Variants in ADARB2 observed in about 807,000 individuals in gnomAD.
ADARB2 encodes inactive double-stranded RNA-specific editase B2.
Under a neutral mutation model 62.2 loss-of-function variants are expected in ADARB2, and 25 were observed. The ratio of observed to expected loss-of-function variants is 0.40; its 90% confidence interval spans 0.29 to 0.56. ADARB2 has a LOEUF of 0.56. Ranked by LOEUF, ADARB2 falls within the 20% of genes least tolerant of loss-of-function variation. The pLI is 0.43. For synonymous variants in ADARB2, 572 were observed against 500.8 expected, an observed-to-expected ratio of 1.14 and a Z score of -1.90; for missense variants, 1,071 against 1,077.4, an observed-to-expected ratio of 0.99 and a Z score of 0.08.
At chr10:1,574,526 C>T (rs1020091758) in intron 1 of ADARB2, among the ~76,000 whole-genome samples, 1 of 152,110 alleles carries the variant, frequency 6.6e-6, no homozygotes, top group African/African-American at 2.4e-5. Flanking sequence ...CACTCCTGTT[C>T]CCAGCGTTTT....
intron 1 of ADARB2, among the ~76,000 whole-genome samples, chr10:1,623,616 T>C (rs1045456661): frequency 3.3e-5 from 5 of 152,196 alleles, no homozygotes; most frequent in African/African-American, 9.6e-5. Context: ...TTGAACTCCT[T>C]GTCTGTCCCG....
At chr10:1,714,480 G>T (rs967450112) in intron 1 of ADARB2, among the ~76,000 whole-genome samples, 1 of 152,188 alleles carries the variant, frequency 6.6e-6, no homozygotes, top group Non-Finnish European at 1.5e-5. Flanking sequence ...ACCAGCCAAC[G>T]CCCATTTAAT....
chr10:1,471,941 CA>C (rs1177398972), intron 1 of ADARB2, among the ~76,000 whole-genome samples: 5 of 151,988 alleles, frequency 3.3e-5, no homozygotes, highest in Non-Finnish European at 5.9e-5. Flanking sequence ...GTCATTTGAC[CA>C]AAAAAGTACT....
At chr10:1,505,699 C>G (rs902754054) in intron 1 of ADARB2, among the ~76,000 whole-genome samples, 1 of 114,854 alleles carries the variant, frequency 8.7e-6, no homozygotes, top group Non-Finnish European at 2.1e-5. Flanking sequence ...CCGTCCCCAC[C>G]GTGGCAGCCG....
chr10:1,717,306 T>C (rs1173708077), intron 1 of ADARB2, among the ~76,000 whole-genome samples: 1 of 151,016 alleles, frequency 6.6e-6, no homozygotes, highest in Non-Finnish European at 1.5e-5. Flanking sequence ...GGGATCTGAG[T>C]CGGGGAAGCC....
chr10:1,547,052 G>C (rs2387728), intron 1 of ADARB2, among the ~76,000 whole-genome samples: 78,237 of 152,222 alleles, frequency 0.51, 21,662 homozygotes, highest in East Asian at 0.76. Flanking sequence ...AGAGCGGGAC[G>C]CGGGTGGGAG....
intron 1 of ADARB2, among the ~76,000 whole-genome samples, chr10:1,428,095 A>G (rs930287861): frequency 2.6e-5 from 4 of 150,964 alleles, no homozygotes; most frequent in Non-Finnish European, 4.4e-5. Flanking sequence ...CTCAGCCTCC[A>G]GAGTAGCTAG....
chr10:1,367,327 T>C (rs1405774902), intron 2 of ADARB2, among the ~76,000 whole-genome samples: 1 of 152,244 alleles, frequency 6.6e-6, no homozygotes, highest in Non-Finnish European at 1.5e-5. Context: ...TCATTTGAAT[T>C]TTTTGAATTG....
At chr10:1,479,443 G>T (rs1831441292) in intron 1 of ADARB2, among the ~76,000 whole-genome samples, 1 of 152,210 alleles carries the variant, frequency 6.6e-6, no homozygotes, top group Non-Finnish European at 1.5e-5. Context: ...GACAGCAGAG[G>T]CTGGGAGATG....
At chr10:1,536,954 T>G (rs1003913836) in intron 1 of ADARB2, among the ~76,000 whole-genome samples, 2 of 152,016 alleles carry the variant, frequency 1.3e-5, no homozygotes, top group African/African-American at 4.8e-5. Flanking sequence ...AAGCCAAAAT[T>G]GATAAATGGG....
chr10:1,511,964 ATGCT>A, intron 1 of ADARB2, among the ~76,000 whole-genome samples: 2 of 151,818 alleles, frequency 1.3e-5, no homozygotes, highest in Non-Finnish European at 1.5e-5. Flanking sequence ...CAAGACTTTG[ATGCT>A]GTCTACATTG....
chr10:1,482,099 T>C lies in ADARB2; in HGVS notation c.101-102939A>G, dbSNP rs190766393. Among the ~76,000 whole-genome samples the C allele has an allele frequency of 3.3e-5, 5 of 152,276 alleles. No individual in the cohort carries two copies. In the East Asian group the frequency reaches 9.6e-4, roughly 29 times the overall value. On this transcript the variant is annotated intron_variant, in intron 1 of 9. Transcript: ENST00000381312. ...TAAAACACACCACAGGAAATGTAAT[T>C]ATTGGTGAGAATGTGGAGAAACTGA...
intron 1 of ADARB2, among the ~76,000 whole-genome samples, chr10:1,505,403 A>T (rs2131940924): frequency 6.6e-6 from 1 of 151,622 alleles, no homozygotes; most frequent in South Asian, 2.1e-4. Context: ...TTTTGCAACA[A>T]ATAACTCAGA....
At chr10:1,387,846 C>T (rs1832537833) in intron 1 of ADARB2, among the ~76,000 whole-genome samples, 1 of 151,890 alleles carries the variant, frequency 6.6e-6, no homozygotes, top group African/African-American at 2.4e-5. Context: ...GAGTTTTTAA[C>T]AAGATATTAG....
chr10:1,355,705 T>C (rs1832187937), intron 3 of ADARB2, among the ~76,000 whole-genome samples: 1 of 152,226 alleles, frequency 6.6e-6, no homozygotes, highest in Non-Finnish European at 1.5e-5. Context: ...TAAATACTTA[T>C]CAGTTACATA....
intron 1 of ADARB2, among the ~76,000 whole-genome samples, chr10:1,684,115 T>C (rs1564367101): frequency 6.6e-6 from 1 of 152,228 alleles, no homozygotes. Context: ...AAGCAAACTA[T>C]GGAGTGATCC....
At chr10:1,610,811 GAC>G (rs199908960) in intron 1 of ADARB2, among the ~76,000 whole-genome samples, 3,816 of 146,382 alleles carry the variant, frequency 0.026, 64 homozygotes, top group African/African-American at 0.053. Flanking sequence ...CACACATACA[GAC>G]ACATACAGAC....
Position 1,266,453 on chromosome 10 carries a change from G to A in ADARB2, c.1192+4502C>T, listed in dbSNP as rs986368101. Among the ~76,000 whole-genome samples, 15 of 149,350 alleles carry A rather than the reference G, an allele frequency of 1.0e-4. No homozygotes were observed. The East Asian group carries it at 2.0e-3, about 20-fold the overall frequency. On this transcript the variant is annotated intron_variant, in intron 4 of 9. Transcript: ENST00000381312. ...CCCACCCTACAGGGAGGAAAGGACC[G>A]CCTGAGAAGGGTCCAGGGCCGGCTG...
chr10:1,482,973 G>T (rs994871859), intron 1 of ADARB2, among the ~76,000 whole-genome samples: 7 of 152,160 alleles, frequency 4.6e-5, no homozygotes, highest in African/African-American at 1.7e-4. Flanking sequence ...GCCCATGTAT[G>T]TGTTCTAACT....
Sources: gnomAD v4.1 joint callset for allele counts (sites outside exome capture counted in the v4.1 genomes callset) on GRCh38, gnomAD v4.1.1 for gene constraint, MANE v1.5 for transcripts, NCBI Gene and HGNC (gene_info 2026-07-23, HGNC 2026-07-21) for gene names.